The following LMO7 variants were observed in gnomAD, a reference collection of about 807,000 sequenced individuals.
LMO7 encodes the protein LIM domain 7, also known as LIM domain only protein 7.
In LMO7, 120 loss-of-function variants were observed where a neutral mutation model predicts 206.5. The ratio of observed to expected loss-of-function variants is 0.58; its 90% CI spans 0.50 to 0.68. The LOEUF is 0.68. LMO7 is among the 30% of genes least tolerant of loss of function. LMO7 has a pLI of 0.00. For missense variants in LMO7, 1,959 were observed against 1,957.9 expected, an observed-to-expected ratio of 1.00 and a Z score of -0.01; for synonymous variants, 706 against 681.5, an observed-to-expected ratio of 1.04 and a Z score of -0.56.
chr13:75,835,363 G>A, intron 18 of LMO7, 24 bp downstream of exon 18: 1 of 1,500,028 alleles, frequency 6.7e-7, no homozygotes, highest in Non-Finnish European at 9.1e-7. Flanking sequence ...GAAGTAGGAA[G>A]TACTGGTGTG....
At chr13:75,719,641 G>C (rs1215298085) in intron 2 of LMO7, among the ~76,000 whole-genome samples, 1 of 152,090 alleles carries the variant, frequency 6.6e-6, no homozygotes, top group Non-Finnish European at 1.5e-5. Context: ...GGACCCGCTT[G>C]CTTCCCCTTC....
At position 75,849,280 on chromosome 13, in the gene LMO7, G is replaced by T; in HGVS notation, c.4352G>T (p.Gly1451Val). The T allele has an allele frequency of 1.2e-6, 2 of 1,613,636 alleles. No homozygotes were observed. ...AACAAAGAGCCTGTTAGTCTTCCTG[G>T]GATCATGAGAAGGTGCGAGACATCT... ...SVNKEPVSLP[G>V]IMRRGESLDN... Residue 1451 changes from glycine to valine, a missense_variant, in exon 27 of 31, where the codon GGG becomes GTG. By Grantham distance (109) the Gly-to-Val change is moderately radical (BLOSUM62 -3). Coordinates refer to ENST00000377534, the MANE Select transcript of LMO7 (RefSeq NM_001306080.2).
At chr13:75,848,078 T>G (rs2060136661) in intron 26 of LMO7, among the ~76,000 whole-genome samples, 1 of 152,216 alleles carries the variant, frequency 6.6e-6, no homozygotes, top group Admixed American at 6.5e-5. Flanking sequence ...TTTTTTTATT[T>G]CCATAGGTTT....
intron 3 of LMO7, among the ~76,000 whole-genome samples, chr13:75,727,744 T>C: frequency 6.6e-6 from 1 of 151,716 alleles, no homozygotes; most frequent in Non-Finnish European, 1.5e-5. Context: ...CATTTAGCAT[T>C]AGGTATATCT....
At chr13:75,802,944 C>A (rs538444420) in intron 7 of LMO7, among the ~76,000 whole-genome samples, 86 of 152,262 alleles carry the variant, frequency 5.6e-4, no homozygotes, top group Admixed American at 3.0e-3. Context: ...GGAAAAAATT[C>A]TCTGCAGGAC....
intron 4 of LMO7, among the ~76,000 whole-genome samples, chr13:75,786,221 T>C (rs1009418620): frequency 5.3e-5 from 8 of 152,162 alleles, no homozygotes; most frequent in African/African-American, 1.7e-4. Flanking sequence ...ATATAAAGTG[T>C]CTGTGTCTTG....
At chr13:75,793,076 G>GAGGA (rs1330691206) in intron 4 of LMO7, among the ~76,000 whole-genome samples, 1 of 152,136 alleles carries the variant, frequency 6.6e-6, no homozygotes, top group East Asian at 1.9e-4. Context: ...ATCAAAGTGG[G>GAGGA]AGGATGTTCA....
intron 15 of LMO7, among the ~76,000 whole-genome samples, chr13:75,824,280 C>T (rs558458170): frequency 5.3e-5 from 8 of 152,192 alleles, no homozygotes; most frequent in African/African-American, 1.7e-4. Flanking sequence ...CTCAACTGGC[C>T]GCAAGGAAAA....
At chr13:75,642,581 T>A (rs2139027174) in intron 1 of LMO7, among the ~76,000 whole-genome samples, 1 of 151,918 alleles carries the variant, frequency 6.6e-6, no homozygotes, top group Non-Finnish European at 1.5e-5. Context: ...CCAGCCTGGG[T>A]GACAGAGTAA....
At chr13:75,641,829 T>G (rs907784502) in intron 1 of LMO7, among the ~76,000 whole-genome samples, 1 of 151,758 alleles carries the variant, frequency 6.6e-6, no homozygotes, top group Non-Finnish European at 1.5e-5. Flanking sequence ...GTATTTCTTT[T>G]TTTTTTTTTT....
At chr13:75,682,367 A>G (rs2040608206) in intron 1 of LMO7, among the ~76,000 whole-genome samples, 1 of 152,112 alleles carries the variant, frequency 6.6e-6, no homozygotes, top group Non-Finnish European at 1.5e-5. Context: ...TTCCCAGGAG[A>G]AGGGCTTGGA....
chr13:75,835,730 T>C (rs1310372519), intron 18 of LMO7, among the ~76,000 whole-genome samples: 1 of 152,182 alleles, frequency 6.6e-6, no homozygotes, highest in Non-Finnish European at 1.5e-5. Context: ...TAGTTGGGTG[T>C]AATGTAAAAC....
intron 1 of LMO7, among the ~76,000 whole-genome samples, chr13:75,685,001 G>A (rs779574795): frequency 1.1e-4 from 16 of 152,036 alleles, no homozygotes; most frequent in Non-Finnish European, 2.4e-4. Flanking sequence ...CGATTTGTTG[G>A]GTTAACTCTG....
rs150937779 is a variant in LMO7 at position 75,829,025 on chromosome 13, A to G, written c.2950-4026A>G. On this transcript the variant is annotated intron_variant, in intron 15 of 30. Transcript: ENST00000377534. ...GCAATTAACCAAAATATGAAAAACA[A>G]GAGGTGGAAGAACAGGTTTGGGCGG... 5.8e-3 allele frequency among the ~76,000 whole-genome samples: 888 copies of G among 152,254 alleles called. 15 individuals carry two copies. The highest frequency in any genetic ancestry group is 0.02 in the African/African-American group (837 of 41,550).
intron 1 of LMO7, among the ~76,000 whole-genome samples, chr13:75,656,498 TTC>T (rs2038073520): frequency 6.6e-6 from 1 of 152,238 alleles, no homozygotes; most frequent in African/African-American, 2.4e-5. Context: ...TTAAAATTGT[TTC>T]TACATTTAAA....
chr13:75,853,071 T>C lies in LMO7; in HGVS notation c.4365-21T>C, dbSNP rs1430569785. 2.6e-6 allele frequency: 4 copies of C among 1,552,086 alleles called. No individual in the cohort carries two copies. In the African/African-American group the frequency reaches 5.5e-5, roughly 21 times the overall value. On this transcript the variant is annotated intron_variant, in intron 27 of 30. Coordinates refer to ENST00000377534, the MANE Select transcript of LMO7 (RefSeq NM_001306080.2). ...AGTTGAACATGTCACATTATTTTGA[T>C]GAGTCTTTTTTGTGTTTCAGAGGCG... is the stretch of plus-strand genomic sequence containing the variant.
At chr13:75,764,019 C>G (rs565179238) in intron 4 of LMO7, among the ~76,000 whole-genome samples, 336 of 152,138 alleles carry the variant, frequency 2.2e-3, no homozygotes, top group Middle Eastern at 3.4e-3. Flanking sequence ...CTTATGTGTT[C>G]TAATTTTCTA....
intron 4 of LMO7, 141 bp downstream of exon 4, chr13:75,761,179 A>G (rs1016045598): frequency 1.0e-5 from 6 of 596,540 alleles, no homozygotes; most frequent in Non-Finnish European, 1.7e-5. Context: ...TCATTCTAAA[A>G]GAGACTGTTT....
intron 11 of LMO7, among the ~76,000 whole-genome samples, chr13:75,813,526 A>AGCT (rs1278083138): frequency 5.9e-5 from 9 of 152,138 alleles, no homozygotes; most frequent in Middle Eastern, 3.2e-3. Context: ...GCCTGGCTCC[A>AGCT]GCTGCTGTAC....
Sources: allele counts gnomAD v4.1 joint callset (sites outside exome capture counted in the v4.1 genomes callset), GRCh38; gene constraint gnomAD v4.1.1; transcripts MANE v1.5; gene names NCBI Gene and HGNC (gene_info 2026-07-23, HGNC 2026-07-21).